Variants in OTOGL observed in about 807,000 individuals in gnomAD.
OTOGL encodes the protein otogelin-like protein.
In OTOGL, 285 loss-of-function variants were observed where a neutral mutation model predicts 318.5. The observed-to-expected ratio is 0.89, with a 90% CI of 0.81 to 0.99. The LOEUF (loss-of-function observed/expected upper bound fraction) is 0.99. Among genes scored for constraint, OTOGL ranks in the 50% least tolerant of loss-of-function variants. The pLI is 0.00. For synonymous variants in OTOGL, 987 were observed against 936.5 expected, an observed-to-expected ratio of 1.05 and a Z score of -0.99; for missense variants, 2,899 against 2,845.6, an observed-to-expected ratio of 1.02 and a Z score of -0.43.
intron 26 of OTOGL, among the ~76,000 whole-genome samples, chr12:80,286,481 T>C (rs576723368): frequency 2.5e-4 from 38 of 152,116 alleles, no homozygotes; most frequent in Non-Finnish European, 5.1e-4. Flanking sequence ...TGGTAGAATT[T>C]GGCTGTGAAT....
chr12:80,106,877 T>A (rs78134234), intron 1 of OTOGL, among the ~76,000 whole-genome samples: 3,798 of 152,058 alleles, frequency 0.025, 155 homozygotes, highest in African/African-American at 0.086. Flanking sequence ...CTTTTTTTTT[T>A]AAATTAGTAC....
intron 1 of OTOGL, among the ~76,000 whole-genome samples, chr12:80,107,769 A>G (rs1869542369): frequency 6.6e-6 from 1 of 152,168 alleles, no homozygotes; most frequent in African/African-American, 2.4e-5. Context: ...CTACATAGCC[A>G]TAAAAGAGGA....
chr12:80,349,355 T>A (rs924160156), intron 44 of OTOGL, among the ~76,000 whole-genome samples: 5 of 152,214 alleles, frequency 3.3e-5, no homozygotes, highest in African/African-American at 1.2e-4. Context: ...CTATTAACGC[T>A]ATTTCACATA....
chr12:80,320,797 T>TA, intron 34 of OTOGL, 97 bp downstream of exon 34: 1 of 1,268,260 alleles, frequency 7.9e-7, no homozygotes, highest in Non-Finnish European at 1.1e-6. Flanking sequence ...TTACTGCATA[T>TA]AAGCAGATAG....
intron 26 of OTOGL, among the ~76,000 whole-genome samples, chr12:80,289,921 G>T (rs984700230): frequency 2.0e-5 from 3 of 152,080 alleles, no homozygotes; most frequent in Non-Finnish European, 4.4e-5. Context: ...GTCTTGCTGG[G>T]GTTCCAGGTG....
Position 80,253,528 on chromosome 12 carries a change from T to C in OTOGL, c.1348T>C (p.Leu450=). The stretch of plus-strand genomic sequence containing the variant: ...AAATTGCCCATGCGGTTTTCATGGA[T>C]TAGCTTATTCAGTTGGTTCAAAAAT... ...LENCPCGFHG[L]AYSVGSKIEQ... is the part of the protein sequence containing the mutation. Residue 450 remains leucine, a synonymous_variant, in exon 14 of 59, where the codon TTA becomes CTA. Coordinates refer to ENST00000547103, the MANE Select transcript of OTOGL (RefSeq NM_001378609.3). 1 of 1,613,232 alleles carries C rather than the reference T, an allele frequency of 6.2e-7. No homozygotes were observed. Among genetic ancestry groups the C allele is most frequent in the Non-Finnish European group, 8.5e-7 (1 of 1,179,316 alleles).
intron 44 of OTOGL, among the ~76,000 whole-genome samples, chr12:80,351,940 T>C (rs918106641): frequency 2.0e-5 from 3 of 152,232 alleles, no homozygotes; most frequent in Non-Finnish European, 4.4e-5. Flanking sequence ...GAGAATGCTT[T>C]GTGAGCTTCC....
chr12:80,336,556 G>C lies in OTOGL; in HGVS notation c.4743+1G>C, dbSNP rs1286817934. On this transcript the variant is annotated splice_donor_variant, in intron 40 of 58. Transcript: ENST00000547103. LOFTEE classifies it high-confidence loss of function. ...TATCGAAAAATGTTCCATGAATCAG[G>C]TGGGTCATAATTTATTTTTGCAGTC... 1.2e-6 allele frequency: 2 copies of C among 1,604,544 alleles called. No homozygotes were observed. The highest frequency in any genetic ancestry group is 2.7e-5 in the African/African-American group (2 of 74,426).
At chr12:80,106,075 C>A (rs1283808874) in intron 1 of OTOGL, among the ~76,000 whole-genome samples, 1 of 152,146 alleles carries the variant, frequency 6.6e-6, no homozygotes, top group African/African-American at 2.4e-5. Context: ...GGGCACAAAT[C>A]ACAACTGCTG....
intron 1 of OTOGL, among the ~76,000 whole-genome samples, chr12:80,207,498 C>A (rs1217123395): frequency 6.6e-6 from 1 of 152,140 alleles, no homozygotes; most frequent in East Asian, 1.9e-4. Context: ...AGCCACCACG[C>A]CCAGCCCTGA....
chr12:80,108,824 T>G (rs1263110139), intron 1 of OTOGL, among the ~76,000 whole-genome samples: 2 of 130,904 alleles, frequency 1.5e-5, no homozygotes, highest in Admixed American at 7.9e-5. Context: ...TGTATATATA[T>G]GTATATATAT....
rs147514225 is a variant in OTOGL at position 80,218,510 on chromosome 12, G to A, written c.235+846G>A. 1.8e-3 allele frequency among the ~76,000 whole-genome samples: 279 copies of A among 152,258 alleles called. 1 individual carries two copies. The highest frequency in any genetic ancestry group is 5.0e-3 in the African/African-American group (209 of 41,548). On this transcript the variant is annotated intron_variant, in intron 5 of 58. Transcript: ENST00000547103. ...AGATGTTCTGTGGTTCTCCTCATGT[G>A]TTAAATTCTTCCTGCTTGAGTTTTG... is the stretch of plus-strand genomic sequence containing the variant.
At chr12:80,307,470 GC>G (rs1412820862) in intron 29 of OTOGL, among the ~76,000 whole-genome samples, 1 of 148,658 alleles carries the variant, frequency 6.7e-6, no homozygotes, top group Non-Finnish European at 1.5e-5. Flanking sequence ...GGACGGGGTG[GC>G]TGGCCGGGCA....
At chr12:80,376,449 C>T (rs1389545942) in intron 57 of OTOGL, among the ~76,000 whole-genome samples, 2 of 152,102 alleles carry the variant, frequency 1.3e-5, no homozygotes, top group Admixed American at 1.3e-4. Context: ...CACTATTATA[C>T]ATCATTAAAT....
intron 30 of OTOGL, 37 bp from the exon 31 acceptor site, chr12:80,313,439 C>A: frequency 6.5e-7 from 1 of 1,541,774 alleles, no homozygotes; most frequent in Non-Finnish European, 8.9e-7. Context: ...TAATCAGTAT[C>A]TATTGAAATT....
intron 1 of OTOGL, among the ~76,000 whole-genome samples, chr12:80,178,740 C>T (rs1874713886): frequency 6.6e-6 from 1 of 152,170 alleles, no homozygotes; most frequent in Admixed American, 6.5e-5. Flanking sequence ...GTTGTTCCAA[C>T]TGGGGAGTTA....
chr12:80,101,555 T>G (rs1869139722), intron 1 of OTOGL, among the ~76,000 whole-genome samples: 1 of 152,194 alleles, frequency 6.6e-6, no homozygotes, highest in Admixed American at 6.5e-5. Flanking sequence ...AATTATATGA[T>G]AGCCTTGTTA....
chr12:80,228,831 C>A (rs1387158964), intron 7 of OTOGL, among the ~76,000 whole-genome samples: 2 of 151,834 alleles, frequency 1.3e-5, no homozygotes, highest in Admixed American at 1.3e-4. Flanking sequence ...TTAGTGAGTT[C>A]ATGGTCACTT....
At chr12:80,362,686 A>G (rs1312363377) in intron 52 of OTOGL, among the ~76,000 whole-genome samples, 1 of 152,220 alleles carries the variant, frequency 6.6e-6, no homozygotes, top group East Asian at 1.9e-4. Flanking sequence ...ATCACATTAT[A>G]GAGATCATTA....
Sources: allele counts gnomAD v4.1 joint callset (sites outside exome capture counted in the v4.1 genomes callset), GRCh38; gene constraint gnomAD v4.1.1; transcripts MANE v1.5; gene names NCBI Gene and HGNC (gene_info 2026-07-23, HGNC 2026-07-21).